The following CTNNA2 variants were observed in gnomAD, a reference collection of about 807,000 sequenced individuals.
CTNNA2 encodes the protein catenin alpha 2.
In CTNNA2, 42 loss-of-function variants were observed where a neutral mutation model predicts 101.0. The observed-to-expected ratio is 0.42, with a 90% CI of 0.32 to 0.54. The LOEUF is 0.54. Ranked by LOEUF, CTNNA2 falls within the 20% of genes least tolerant of loss-of-function variation. The pLI is 0.14. For synonymous variants in CTNNA2, 450 were observed against 456.4 expected (o/e 0.99, Z 0.18); for missense variants, 871 against 1,223.1 (o/e 0.71, Z 4.29).
At chr2:79,682,161 C>A (rs1427595369) in intron 2 of CTNNA2, among the ~76,000 whole-genome samples, 2 of 152,032 alleles carry the variant, frequency 1.3e-5, no homozygotes, top group Non-Finnish European at 2.9e-5. Flanking sequence ...GTAATCCCAG[C>A]ACTTTGGGAG....
chr2:79,816,343 G>C (rs1390174597), intron 3 of CTNNA2, among the ~76,000 whole-genome samples: 2 of 152,062 alleles, frequency 1.3e-5, no homozygotes, highest in Admixed American at 6.6e-5. Flanking sequence ...AGTTCTCAGA[G>C]GAAATGCTTT....
intron 15 of CTNNA2, among the ~76,000 whole-genome samples, chr2:80,591,387 G>A (rs1696475615): frequency 6.8e-6 from 1 of 147,278 alleles, no homozygotes; most frequent in South Asian, 2.2e-4. Context: ...TGGAGAACCA[G>A]AGTAGACTGT....
intron 8 of CTNNA2, among the ~76,000 whole-genome samples, chr2:80,407,032 A>G (rs903320189): frequency 1.3e-5 from 2 of 152,066 alleles, no homozygotes; most frequent in Non-Finnish European, 2.9e-5. Flanking sequence ...CAGAACACCT[A>G]CATTAAGCAG....
At chr2:79,776,055 G>T (rs911263274) in intron 3 of CTNNA2, among the ~76,000 whole-genome samples, 2 of 152,126 alleles carry the variant, frequency 1.3e-5, no homozygotes, top group Non-Finnish European at 2.9e-5. Flanking sequence ...CTTATGAGCT[G>T]CAGACTTGGA....
At chr2:80,036,249 G>A (rs1162400372) in intron 7 of CTNNA2, among the ~76,000 whole-genome samples, 1 of 152,160 alleles carries the variant, frequency 6.6e-6, no homozygotes, top group African/African-American at 2.4e-5. Flanking sequence ...GAGAGTCAGA[G>A]ACAGAGAGAA....
chr2:79,933,892 C>T (rs1687616425), intron 7 of CTNNA2, among the ~76,000 whole-genome samples: 1 of 152,142 alleles, frequency 6.6e-6, no homozygotes, highest in Non-Finnish European at 1.5e-5. Context: ...GTTGTGACAG[C>T]TTGATCACAT....
intron 3 of CTNNA2, among the ~76,000 whole-genome samples, chr2:79,368,120 A>G (rs1677790373): frequency 6.6e-6 from 1 of 152,216 alleles, no homozygotes; most frequent in Admixed American, 6.5e-5. Context: ...TAGAAGACTG[A>G]AAAAGTCAGT....
intron 4 of CTNNA2, among the ~76,000 whole-genome samples, chr2:79,415,182 G>C (rs1381424955): frequency 1.3e-5 from 2 of 152,078 alleles, no homozygotes; most frequent in Non-Finnish European, 2.9e-5. Context: ...CTTTGGTTAT[G>C]AGTGAGTTCT....
chr2:79,777,833 T>TGTAAAGAG (rs1248657473), intron 3 of CTNNA2, among the ~76,000 whole-genome samples: 1 of 151,880 alleles, frequency 6.6e-6, no homozygotes, highest in Non-Finnish European at 1.5e-5. Flanking sequence ...AATAGATATT[T>TGTAAAGAG]GTAAAGAGGA....
intron 3 of CTNNA2, among the ~76,000 whole-genome samples, chr2:79,339,421 A>T (rs1410190557): frequency 6.6e-6 from 1 of 152,220 alleles, no homozygotes; most frequent in Non-Finnish European, 1.5e-5. Context: ...TGCCTGATAT[A>T]CATATTAAGG....
intron 7 of CTNNA2, among the ~76,000 whole-genome samples, chr2:79,997,792 C>T (rs989192910): frequency 4.6e-5 from 7 of 152,140 alleles, no homozygotes; most frequent in East Asian, 1.9e-4. Flanking sequence ...TTCTAAACCG[C>T]GTTGCACCTC....
intron 7 of CTNNA2, among the ~76,000 whole-genome samples, chr2:80,114,303 G>T (rs563840114): frequency 6.3e-4 from 96 of 152,300 alleles, no homozygotes; most frequent in African/African-American, 2.2e-3. Flanking sequence ...ATCAAATCCA[G>T]AGTTTTATTC....
intron 1 of CTNNA2, among the ~76,000 whole-genome samples, chr2:79,638,065 C>G (rs1680199030): frequency 6.6e-6 from 1 of 152,124 alleles, no homozygotes; most frequent in Non-Finnish European, 1.5e-5. Flanking sequence ...CCCATTCACT[C>G]CAGCATACCA....
intron 7 of CTNNA2, among the ~76,000 whole-genome samples, chr2:80,341,881 T>C (rs1009470682): frequency 2.0e-5 from 3 of 152,104 alleles, no homozygotes; most frequent in African/African-American, 7.2e-5. Context: ...GCCTGATGAA[T>C]AGAAAAGCAA....
intron 7 of CTNNA2, among the ~76,000 whole-genome samples, chr2:79,949,493 C>G (rs1377848920): frequency 1.3e-5 from 2 of 152,068 alleles, no homozygotes; most frequent in African/African-American, 2.4e-5. Context: ...AGATGCCTGG[C>G]GAAGTGGCTC....
upstream of CTNNA2, among the ~76,000 whole-genome samples, chr2:79,510,491 C>T (rs1168976438): frequency 1.3e-5 from 2 of 152,162 alleles, no homozygotes; most frequent in African/African-American, 2.4e-5. Context: ...TAGTAACATT[C>T]AATTTGGATT....
In CTNNA2 at chr2:79,413,205, A is replaced by T. The variant is rs1032307313; in HGVS notation, c.-135+39192A>T. Among the ~76,000 whole-genome samples the T allele has an allele frequency of 4.6e-5, 7 of 151,936 alleles. No homozygotes were observed. In the South Asian group the frequency reaches 1.2e-3, roughly 27 times the overall value. On this transcript the variant is annotated intron_variant, in intron 4 of 21. Coordinates refer to the CTNNA2 transcript ENST00000466387. ...GGGGAGGGGGTGGTTCTGGGAAAAA[A>T]TGGAAAATCTGCTAGACAAATTTGA...
At chr2:80,504,203 A>G (rs936482873) in intron 9 of CTNNA2, among the ~76,000 whole-genome samples, 1 of 152,166 alleles carries the variant, frequency 6.6e-6, no homozygotes, top group Non-Finnish European at 1.5e-5. Flanking sequence ...AGAATTCAGT[A>G]TCTTGAGATT....
intron 7 of CTNNA2, among the ~76,000 whole-genome samples, chr2:80,391,606 T>G (rs1360476332): frequency 1.3e-5 from 2 of 152,188 alleles, no homozygotes; most frequent in African/African-American, 2.4e-5. Context: ...ACAACCTATT[T>G]GCAAGGAGAG....
Sources: gnomAD v4.1 joint callset for allele counts (sites outside exome capture counted in the v4.1 genomes callset) on GRCh38, gnomAD v4.1.1 for gene constraint, MANE v1.5 for transcripts, NCBI Gene and HGNC (gene_info 2026-07-23, HGNC 2026-07-21) for gene names.